The following IQCM variants were observed in gnomAD, a reference collection of about 807,000 sequenced individuals.
IQCM encodes the protein IQ motif containing M.
IQCM carries 45 observed loss-of-function variants against 57.6 expected under a neutral mutation model. That is an observed-to-expected ratio of 0.78 (90% confidence interval 0.62 to 1.00). The LOEUF (loss-of-function observed/expected upper bound fraction) is 1.00, where lower values mean the gene tolerates loss of function less well. Ranked by LOEUF, IQCM falls within the 50% of genes least tolerant of loss-of-function variation. The pLI is 0.00. For missense variants in IQCM, 468 were observed against 511.6 expected (o/e 0.91, Z 0.82); for synonymous variants, 148 against 158.9 (o/e 0.93, Z 0.51).
At chr4:149,657,009 C>T (rs79793095) in intron 7 of IQCM, among the ~76,000 whole-genome samples, 3,443 of 152,150 alleles carry the variant, frequency 0.023, 113 homozygotes, top group African/African-American at 0.078. Flanking sequence ...TTATGGCATA[C>T]AAGAACATTC....
At chr4:149,594,860 A>C (rs1220484674) in intron 8 of IQCM, among the ~76,000 whole-genome samples, 4 of 152,088 alleles carry the variant, frequency 2.6e-5, no homozygotes, top group Non-Finnish European at 5.9e-5. Flanking sequence ...TTTGCTGAGG[A>C]GTGCTTTACT....
At chr4:149,769,697 T>C (rs1034831667) in intron 2 of IQCM, among the ~76,000 whole-genome samples, 6 of 151,912 alleles carry the variant, frequency 3.9e-5, no homozygotes, top group African/African-American at 1.4e-4. Flanking sequence ...AAAAACTTCA[T>C]AATAATAAAG....
chr4:149,618,356 A>G (rs1847367), intron 8 of IQCM, among the ~76,000 whole-genome samples: 32,212 of 152,126 alleles, frequency 0.21, 4,265 homozygotes, highest in Non-Finnish European at 0.28. Flanking sequence ...TTAACTCAAG[A>G]TGGATTAAAG....
intron 2 of IQCM, among the ~76,000 whole-genome samples, chr4:149,764,866 GT>G (rs945562600): frequency 2.0e-5 from 3 of 152,000 alleles, no homozygotes; most frequent in African/African-American, 7.2e-5. Flanking sequence ...ATTTACTAAG[GT>G]TTTACTACTT....
chr4:149,696,095 T>C (rs976122734), intron 5 of IQCM, among the ~76,000 whole-genome samples: 2 of 152,192 alleles, frequency 1.3e-5, no homozygotes, highest in African/African-American at 4.8e-5. Flanking sequence ...TTAGACTGGT[T>C]GTCTGCATAT....
intron 8 of IQCM, among the ~76,000 whole-genome samples, chr4:149,590,459 T>A (rs963126466): frequency 6.6e-5 from 10 of 151,858 alleles, no homozygotes; most frequent in African/African-American, 1.9e-4. Flanking sequence ...AACTTCTTTT[T>A]TTATTATTAT....
chr4:149,767,440 T>C (rs930819069), intron 2 of IQCM, among the ~76,000 whole-genome samples: 1 of 152,166 alleles, frequency 6.6e-6, no homozygotes, highest in African/African-American at 2.4e-5. Context: ...ATGTTCACAA[T>C]ATGTAATTTT....
At chr4:149,600,326 T>C (rs1280581199) in intron 8 of IQCM, among the ~76,000 whole-genome samples, 2 of 152,184 alleles carry the variant, frequency 1.3e-5, no homozygotes, top group Non-Finnish European at 2.9e-5. Context: ...ATGTTTTATT[T>C]CCACTTTTCC....
chr4:149,378,098 G>A lies in IQCM; in HGVS notation c.1391-26032C>T, dbSNP rs374093439. Among the ~76,000 whole-genome samples, 3 of 152,198 alleles carry A rather than the reference G, an allele frequency of 2.0e-5. No individual in the cohort carries two copies. In the South Asian group the frequency reaches 6.2e-4, roughly 32 times the overall value. On this transcript the variant is annotated intron_variant, in intron 13 of 13. Coordinates refer to ENST00000636793, the MANE Select transcript of IQCM (RefSeq NM_001363507.2). ...CCTTTCACTTGGTTTTCATTCTCTT[G>A]TCTTGTCTGCCAGCATGTAAGATGT...
chr4:149,509,451 T>C (rs1374394071), intron 12 of IQCM, among the ~76,000 whole-genome samples: 1 of 152,000 alleles, frequency 6.6e-6, no homozygotes, highest in Non-Finnish European at 1.5e-5. Context: ...GCTTTTTTTT[T>C]CTTCTTTGCA....
At chr4:149,402,824 CAAA>C (rs113672188) in intron 13 of IQCM, among the ~76,000 whole-genome samples, 1 of 151,666 alleles carries the variant, frequency 6.6e-6, no homozygotes. Flanking sequence ...AGCAGTTTCA[CAAA>C]AAAGGTTTTA....
chr4:149,435,085 G>A (rs189613046), intron 12 of IQCM, among the ~76,000 whole-genome samples: 4 of 152,044 alleles, frequency 2.6e-5, no homozygotes, highest in Admixed American at 2.0e-4. Context: ...CAGACCAAGG[G>A]GTCCCTATAT....
intron 7 of IQCM, among the ~76,000 whole-genome samples, chr4:149,634,506 T>A (rs1019766593): frequency 2.6e-5 from 4 of 152,216 alleles, no homozygotes; most frequent in African/African-American, 9.7e-5. Context: ...TAAAATTAAT[T>A]TGTATTCCTA....
chr4:149,561,333 C>A (rs1051086818), intron 10 of IQCM, among the ~76,000 whole-genome samples: 1 of 152,012 alleles, frequency 6.6e-6, no homozygotes, highest in Non-Finnish European at 1.5e-5. Flanking sequence ...AATGATTCTA[C>A]AATTATTTCT....
chr4:149,373,293 A>G (rs1202471326), intron 13 of IQCM, among the ~76,000 whole-genome samples: 2 of 152,172 alleles, frequency 1.3e-5, no homozygotes, highest in East Asian at 1.9e-4. Context: ...TCACAGTCAC[A>G]TGGCTAGTAA....
chr4:149,474,441 G>T (rs1210477583), intron 12 of IQCM, among the ~76,000 whole-genome samples: 1 of 151,742 alleles, frequency 6.6e-6, no homozygotes, highest in Non-Finnish European at 1.5e-5. Context: ...AGGCACAGTG[G>T]CTCACACCTG....
intron 12 of IQCM, among the ~76,000 whole-genome samples, chr4:149,473,981 C>T (rs1372938292): frequency 6.6e-6 from 1 of 151,716 alleles, no homozygotes; most frequent in Non-Finnish European, 1.5e-5. Context: ...GTCGTGGTGT[C>T]GGGGAAGTGG....
chr4:149,812,863 G>C (rs1294702808), intron 2 of IQCM, among the ~76,000 whole-genome samples: 6 of 152,020 alleles, frequency 3.9e-5, no homozygotes, highest in African/African-American at 1.4e-4. Context: ...TGACAATGCA[G>C]ACCTCTCTGG....
chr4:149,695,126 T>C (rs1580026339), intron 5 of IQCM, among the ~76,000 whole-genome samples: 1 of 152,312 alleles, frequency 6.6e-6, no homozygotes, highest in East Asian at 1.9e-4. Context: ...ACATGTGTGT[T>C]ATATAGAATG....
Sources: allele counts gnomAD v4.1 joint callset (sites outside exome capture counted in the v4.1 genomes callset), GRCh38; gene constraint gnomAD v4.1.1; transcripts MANE v1.5; gene names NCBI Gene and HGNC (gene_info 2026-07-23, HGNC 2026-07-21).